The following GRIP1 variants were observed in gnomAD, a reference collection of about 807,000 sequenced individuals.
GRIP1 encodes glutamate receptor-interacting protein 1.
GRIP1 carries 45 observed loss-of-function variants against 129.9 expected under a neutral mutation model. That is an observed-to-expected ratio of 0.35 (90% CI 0.27 to 0.44). The LOEUF (loss-of-function observed/expected upper bound fraction) is 0.44, where lower values mean the gene tolerates loss of function less well. GRIP1 is among the 20% of genes least tolerant of loss of function. The pLI, the probability that GRIP1 is intolerant of heterozygous loss-of-function variation, is 1.00. For missense variants in GRIP1, 1,196 were observed against 1,396.8 expected (o/e 0.86, Z 2.29); for synonymous variants, 530 against 520.8 (o/e 1.02, Z -0.24).
chr12:67,022,528 C>T (rs566928893), intron 1 of GRIP1, among the ~76,000 whole-genome samples: 2 of 152,202 alleles, frequency 1.3e-5, no homozygotes, highest in African/African-American at 4.8e-5. Flanking sequence ...TTCCACAGTG[C>T]TTGTACCATT....
intron 1 of GRIP1, among the ~76,000 whole-genome samples, chr12:66,909,256 A>G (rs1478725937): frequency 6.6e-6 from 1 of 152,062 alleles, no homozygotes; most frequent in African/African-American, 2.4e-5. Flanking sequence ...CTCTATCTCA[A>G]ATGGCCTCTT....
intron 1 of GRIP1, among the ~76,000 whole-genome samples, chr12:66,721,233 C>T (rs1565986533): frequency 6.6e-6 from 1 of 151,994 alleles, no homozygotes; most frequent in Admixed American, 6.6e-5. Context: ...TTAAAATATT[C>T]AGAGTAGATT....
chr12:67,006,786 G>T (rs1182497427), intron 1 of GRIP1, among the ~76,000 whole-genome samples: 1 of 152,130 alleles, frequency 6.6e-6, no homozygotes, highest in Non-Finnish European at 1.5e-5. Flanking sequence ...ATCATGGTGT[G>T]TGTGTTGCTT....
intron 1 of GRIP1, among the ~76,000 whole-genome samples, chr12:66,814,002 T>C (rs555566021): frequency 1.3e-5 from 2 of 152,308 alleles, no homozygotes; most frequent in East Asian, 3.9e-4. Flanking sequence ...AGGATAATAC[T>C]GTGATAGTAT....
intron 1 of GRIP1, among the ~76,000 whole-genome samples, chr12:67,030,102 T>G (rs2043000642): frequency 6.7e-6 from 1 of 149,224 alleles, no homozygotes; most frequent in Non-Finnish European, 1.5e-5. Context: ...TCCCAGCTAC[T>G]GGGGAGGCTG....
chr12:66,675,231 C>A (rs1181434029), intron 1 of GRIP1, among the ~76,000 whole-genome samples: 1 of 152,076 alleles, frequency 6.6e-6, no homozygotes, highest in East Asian at 1.9e-4. Flanking sequence ...GAAAGGTGCC[C>A]AGAGCCGTGC....
At chr12:66,933,574 T>G (rs1192406138) in intron 1 of GRIP1, among the ~76,000 whole-genome samples, 1 of 152,200 alleles carries the variant, frequency 6.6e-6, no homozygotes, top group Admixed American at 6.5e-5. Flanking sequence ...GAGGGGCTAC[T>G]ATATACCAGG....
At chr12:66,441,007 T>G (rs1415017353) in intron 13 of GRIP1, among the ~76,000 whole-genome samples, 1 of 152,224 alleles carries the variant, frequency 6.6e-6, no homozygotes, top group Admixed American at 6.5e-5. Context: ...GGCCAAACTC[T>G]CTTCCAAAAT....
rs144244892 is a variant in GRIP1 at position 67,051,492 on chromosome 12, A to G, written c.58+17558T>C. 4.8e-3 allele frequency among the ~76,000 whole-genome samples: 727 copies of G among 152,368 alleles called. 5 individuals are homozygous for G. The highest frequency in any genetic ancestry group is 0.017 in the African/African-American group (692 of 41,584). On this transcript the variant is annotated intron_variant, in intron 1 of 1. Coordinates refer to the GRIP1 transcript ENST00000643019. ...CGTAATCCTACTGTGACTGAGACTG[A>G]GTATCAAATGGAAGAAGCCATCAGC...
rs192413833 is a variant in GRIP1 at position 66,583,654 on chromosome 12, A to G, written c.136+13193T>C. On this transcript the variant is annotated intron_variant, in intron 2 of 24. Coordinates refer to ENST00000359742, the MANE Select transcript of GRIP1 (RefSeq NM_001366722.1). ...TTTACGCAGCCAAAAAACACATGAA[A>G]AAATGCTCATCATCACTGGCCATCA... Among the ~76,000 whole-genome samples the G allele has an allele frequency of 2.0e-4, 28 of 140,564 alleles. 5 individuals are homozygous for G. The highest frequency in any genetic ancestry group is 1.8e-3 in the Admixed American group (25 of 13,730). The allele number at this position is 140,564 out of a possible 152,430, so 92.2% of individuals were successfully genotyped here.
chr12:66,967,130 T>C (rs1272942366), intron 1 of GRIP1, among the ~76,000 whole-genome samples: 1 of 152,204 alleles, frequency 6.6e-6, no homozygotes. Context: ...TCTCTAAGCA[T>C]TGCTTTCCTT....
rs180831091 is a variant in GRIP1, at chr12:66,729,211, A to G, written c.-420+74842T>C. 5.3e-4 allele frequency among the ~76,000 whole-genome samples: 80 copies of G among 152,270 alleles called. No homozygotes were observed. In the East Asian group the frequency reaches 0.01, roughly 20 times the overall value. The stretch of plus-strand genomic sequence containing the variant: ...CTAAAACATGCTAGTCTTGACTGCT[A>G]GCATTAAAGGCCTAAATTTGATGGA... On this transcript the variant is annotated intron_variant, in intron 1 of 4. Transcript: ENST00000538373.
Position 66,690,447 on chromosome 12 carries a change from G to A in GRIP1, c.-419-60111C>T, listed in dbSNP as rs148341882. On this transcript the variant is annotated intron_variant, in intron 1 of 4. Coordinates refer to the GRIP1 transcript ENST00000538373. ...TACTCATTTCTTGATGGACACTTAGGTTGTTTCCACATATTGGCTACTGTG... is the reference window on the plus strand; with the variant it reads ...TACTCATTTCTTGATGGACACTTAGATTGTTTCCACATATTGGCTACTGTG... 1.8e-3 allele frequency among the ~76,000 whole-genome samples: 277 copies of A among 151,446 alleles called. 2 individuals carry two copies. Among genetic ancestry groups the A allele is most frequent in the African/African-American group, 5.9e-3 (244 of 41,284 alleles).
chr12:66,679,153 T>C, upstream of GRIP1: 1 of 1,410,516 alleles, frequency 7.1e-7, no homozygotes, highest in Non-Finnish European at 9.2e-7. Flanking sequence ...CACAATGGCT[T>C]AGAAAGTAAT....
chr12:66,439,607 T>C (rs1226534807), intron 13 of GRIP1, among the ~76,000 whole-genome samples: 2 of 152,206 alleles, frequency 1.3e-5, no homozygotes, highest in Non-Finnish European at 2.9e-5. Context: ...TATGTGTGCC[T>C]CAATTTTCTG....
intron 4 of GRIP1, among the ~76,000 whole-genome samples, chr12:66,531,255 ATATATATAT>A (rs2061450017): frequency 1.0e-3 from 5 of 4,814 alleles, no homozygotes; most frequent in Admixed American, 3.5e-3. Flanking sequence ...AAAAAAAAAT[ATATATATAT>A]ATATATATAT....
At chr12:66,403,323 G>A (rs933299879) in intron 16 of GRIP1, among the ~76,000 whole-genome samples, 6 of 152,094 alleles carry the variant, frequency 3.9e-5, no homozygotes, top group Admixed American at 3.9e-4. Context: ...TATCATGTCT[G>A]GTTTTAAAAC....
In GRIP1 at chr12:66,813,345, G is replaced by A. The variant is rs558327037; in HGVS notation, c.59-216418C>T. Among the ~76,000 whole-genome samples the A allele has an allele frequency of 8.5e-5, 13 of 152,274 alleles. 1 individual carries two copies. The South Asian group carries it at 2.7e-3, about 32-fold the overall frequency. ...AAGAATGACACTAAGCCATTCAAGAGAGATCTGCACCGATGATCCAAGGAC... is the reference window on the plus strand; with the variant it reads ...AAGAATGACACTAAGCCATTCAAGAAAGATCTGCACCGATGATCCAAGGAC... On this transcript the variant is annotated intron_variant, in intron 1 of 1. Coordinates refer to the GRIP1 transcript ENST00000643019.
chr12:66,482,850 T>C (rs2059844403), intron 7 of GRIP1, among the ~76,000 whole-genome samples: 1 of 152,198 alleles, frequency 6.6e-6, no homozygotes, highest in African/African-American at 2.4e-5. Flanking sequence ...AAGATTAGTT[T>C]ATCCTGCTGA....
Sources: allele counts gnomAD v4.1 joint callset (sites outside exome capture counted in the v4.1 genomes callset), GRCh38; gene constraint gnomAD v4.1.1; transcripts MANE v1.5; gene names NCBI Gene and HGNC (gene_info 2026-07-23, HGNC 2026-07-21).